The following TMEM63C variants were observed in gnomAD, a reference collection of about 807,000 sequenced individuals.
The protein encoded by TMEM63C is transmembrane protein 63C.
TMEM63C carries 32 observed loss-of-function variants against 99.2 expected under a neutral mutation model. That is an observed-to-expected ratio of 0.32 (90% CI 0.24 to 0.43). The LOEUF is 0.43. Among genes scored for constraint, TMEM63C ranks in the 20% least tolerant of loss-of-function variants. The pLI, the probability that TMEM63C is intolerant of heterozygous loss-of-function variation, is 1.00. For synonymous variants in TMEM63C, 376 were observed against 397.9 expected (o/e 0.94, Z 0.66); for missense variants, 826 against 1,053.0 (o/e 0.78, Z 2.98).
intron 6 of TMEM63C, 26 bp downstream of exon 6, chr14:77,225,487 G>A: frequency 6.2e-7 from 1 of 1,612,052 alleles, no homozygotes; most frequent in Non-Finnish European, 8.5e-7. Flanking sequence ...CTGTGAGCTT[G>A]TGACCGTGTT....
chr14:77,181,866 G>C lies in TMEM63C; in HGVS notation c.-105G>C, dbSNP rs1011934138. 5 of 150,780 alleles carry C rather than the reference G, an allele frequency of 3.3e-5. No individual in the cohort carries two copies. Among genetic ancestry groups the C allele is most frequent in the African/African-American group, 9.7e-5 (4 of 41,268 alleles). 9.3% of individuals were successfully genotyped at this position (150,780 alleles called of 1,614,324 possible). A position where few individuals can be genotyped will look rare whatever the true frequency, so the allele number is the denominator to read the frequency against. On this transcript the variant is annotated 5_prime_UTR_variant, in exon 1 of 24. Transcript: ENST00000298351. The stretch of plus-strand genomic sequence containing the variant: ...TGGCGGCCTGAGCGCCGAGCCTGGG[G>C]CTGGGGCCGCGGTGCTGAGGACGCA...
At chr14:77,228,320 A>T (rs1232833306) in intron 6 of TMEM63C, among the ~76,000 whole-genome samples, 1 of 152,066 alleles carries the variant, frequency 6.6e-6, no homozygotes, top group African/African-American at 2.4e-5. Flanking sequence ...ACCTGATTGG[A>T]GGCTCCTGGA....
At chr14:77,219,610 C>T in intron 4 of TMEM63C, 33 bp downstream of exon 4, 1 of 1,609,960 alleles carries the variant, frequency 6.2e-7, no homozygotes, top group Non-Finnish European at 8.5e-7. Flanking sequence ...GAGCCGTTGC[C>T]CCCTTGGGGA....
intron 1 of TMEM63C, among the ~76,000 whole-genome samples, chr14:77,204,109 G>A (rs73307238): frequency 0.018 from 2,766 of 152,328 alleles, 86 homozygotes; most frequent in African/African-American, 0.063. Context: ...CAGCCTTGCT[G>A]GCTGAAGACT....
intron 1 of TMEM63C, among the ~76,000 whole-genome samples, chr14:77,186,242 A>G (rs1887992678): frequency 6.6e-6 from 1 of 151,930 alleles, no homozygotes; most frequent in Non-Finnish European, 1.5e-5. Context: ...CAAACTCCTG[A>G]CCTCAGGTGA....
chr14:77,245,568 G>A (rs1395515684), intron 16 of TMEM63C, among the ~76,000 whole-genome samples: 1 of 152,222 alleles, frequency 6.6e-6, no homozygotes, highest in Non-Finnish European at 1.5e-5. Flanking sequence ...TATTGGACTT[G>A]CAGTTCCATG....
intron 19 of TMEM63C, 42 bp downstream of exon 19, chr14:77,248,551 T>G (rs1320453751): frequency 9.6e-6 from 15 of 1,558,292 alleles, no homozygotes; most frequent in Non-Finnish European, 1.3e-5. Flanking sequence ...TCAGTTTCCT[T>G]TGGGAGGGTG....
intron 1 of TMEM63C, among the ~76,000 whole-genome samples, chr14:77,189,531 A>G (rs2540899): frequency 0.99 from 150,119 of 152,334 alleles, 74,006 homozygotes; most frequent in Middle Eastern, 1. Flanking sequence ...GGAGAGAGTA[A>G]GAGCTGAGAC....
At chr14:77,251,767 G>T (rs1889364301) in intron 21 of TMEM63C, 22 bp from the exon 22 acceptor site, 2 of 1,601,994 alleles carry the variant, frequency 1.2e-6, no homozygotes, top group South Asian at 1.1e-5. Context: ...TCCTGCCCAT[G>T]ACTTTTTCTC....
rs376298839 is a variant in TMEM63C, at chr14:77,249,227, A to G, written c.1871-64A>G. ...TCTGGCTTCTCAGGCCTGTGGAGAC[A>G]CTGGAGCCACAAAGGTCCAGACTTG... On this transcript the variant is annotated intron_variant, in intron 20 of 23. Transcript: ENST00000298351. The G allele has an allele frequency of 2.8e-5, 43 of 1,548,080 alleles. No homozygotes were observed. The African/African-American group carries it at 5.4e-4, about 20-fold the overall frequency.
At chr14:77,207,728 G>A (rs1888427154) in intron 1 of TMEM63C, among the ~76,000 whole-genome samples, 1 of 152,224 alleles carries the variant, frequency 6.6e-6, no homozygotes, top group Non-Finnish European at 1.5e-5. Context: ...ACGATGTTCA[G>A]TGGGATAGCC....
intron 1 of TMEM63C, among the ~76,000 whole-genome samples, chr14:77,190,610 G>A (rs148832453): frequency 1.1e-3 from 173 of 152,246 alleles, no homozygotes; most frequent in Non-Finnish European, 1.5e-3. Flanking sequence ...AAATTCCATA[G>A]TAGAAAAACT....
At chr14:77,202,534 T>C (rs753230323) in intron 1 of TMEM63C, among the ~76,000 whole-genome samples, 7 of 152,226 alleles carry the variant, frequency 4.6e-5, no homozygotes, top group Non-Finnish European at 8.8e-5. Flanking sequence ...TGCCTCTTCC[T>C]AGTTCCTGGG....
intron 6 of TMEM63C, among the ~76,000 whole-genome samples, 154 bp from the exon 7 acceptor site, chr14:77,231,434 C>T (rs1463636813): frequency 1.5e-4 from 23 of 150,544 alleles, no homozygotes; most frequent in Admixed American, 1.4e-3. Context: ...AGGGCAATTT[C>T]GAAGTTGCCT....
intron 20 of TMEM63C, 93 bp from the exon 21 acceptor site, chr14:77,249,198 T>G: frequency 7.4e-7 from 1 of 1,348,850 alleles, no homozygotes; most frequent in Non-Finnish European, 1.0e-6. Context: ...CTGACAGCCG[T>G]GGATCTGGCT....
At chr14:77,209,895 G>A (rs1038029091) in intron 1 of TMEM63C, among the ~76,000 whole-genome samples, 1 of 152,086 alleles carries the variant, frequency 6.6e-6, no homozygotes, top group Non-Finnish European at 1.5e-5. Context: ...GTGAAGAGGT[G>A]GTGTGGGCCT....
At chr14:77,225,069 C>A (rs1439946793) in intron 5 of TMEM63C, among the ~76,000 whole-genome samples, 21 of 152,174 alleles carry the variant, frequency 1.4e-4, no homozygotes, top group Admixed American at 1.4e-3. Flanking sequence ...AGTAGGAGCC[C>A]ACTGGACCAC....
At chr14:77,222,799 T>C (rs1888748645) in intron 5 of TMEM63C, among the ~76,000 whole-genome samples, 1 of 152,218 alleles carries the variant, frequency 6.6e-6, no homozygotes. Flanking sequence ...CCCTCCTGGG[T>C]CCAGATCTCT....
At chr14:77,194,553 C>CTTTCTTTTTCTTTCTT (rs56115104) in intron 1 of TMEM63C, among the ~76,000 whole-genome samples, 4 of 125,126 alleles carry the variant, frequency 3.2e-5, no homozygotes, top group Non-Finnish European at 3.3e-5. Flanking sequence ...TTCTTTCTTT[C>CTTTCTTTTTCTTTCTT]TCTTTCTTTC....
Sources: gnomAD v4.1 joint callset for allele counts (sites outside exome capture counted in the v4.1 genomes callset) on GRCh38, gnomAD v4.1.1 for gene constraint, MANE v1.5 for transcripts, NCBI Gene and HGNC (gene_info 2026-07-23, HGNC 2026-07-21) for gene names.